HCN1: variants seen among roughly 807,000 people sequenced by gnomAD.
HCN1 encodes the protein potassium/sodium hyperpolarization-activated cyclic nucleotide-gated channel 1.
In HCN1, 13 loss-of-function variants were observed where a neutral mutation model predicts 78.9. The observed-to-expected ratio is 0.16, with a 90% CI of 0.11 to 0.26. The LOEUF (loss-of-function observed/expected upper bound fraction) is 0.26. HCN1 is among the 10% of genes least tolerant of loss of function. The pLI is 1.00. For missense variants in HCN1, 810 were observed against 1,154.3 expected, an observed-to-expected ratio of 0.70 and a Z score of 4.32; for synonymous variants, 552 against 455.5, an observed-to-expected ratio of 1.21 and a Z score of -2.70.
chr5:45,666,393 C>T (rs1746049054), intron 1 of HCN1, among the ~76,000 whole-genome samples: 1 of 152,030 alleles, frequency 6.6e-6, no homozygotes, highest in Non-Finnish European at 1.5e-5. Flanking sequence ...CATAAATTCT[C>T]ATAAGCTACC....
chr5:45,292,183 A>G (rs563866753), intron 6 of HCN1, among the ~76,000 whole-genome samples: 1 of 152,164 alleles, frequency 6.6e-6, no homozygotes, highest in East Asian at 1.9e-4. Context: ...TTTCATTTAT[A>G]CCATTCTAGA....
At chr5:45,695,528 G>T in intron 1 of HCN1, 141 bp downstream of exon 1, 2 of 786,524 alleles carry the variant, frequency 2.5e-6, no homozygotes, top group Non-Finnish European at 4.1e-6. Context: ...AGTGGAGCCT[G>T]CTTAGCCCGA....
At chr5:45,636,367 T>C (rs990585988) in intron 2 of HCN1, among the ~76,000 whole-genome samples, 3 of 152,174 alleles carry the variant, frequency 2.0e-5, no homozygotes, top group Non-Finnish European at 2.9e-5. Flanking sequence ...TTCACTCTAA[T>C]AGCACACAAA....
intron 4 of HCN1, among the ~76,000 whole-genome samples, chr5:45,365,636 G>A (rs905886329): frequency 1.3e-5 from 2 of 151,732 alleles, no homozygotes. Flanking sequence ...TTGCGAATAG[G>A]GCTGTGATAA....
At chr5:45,694,461 G>C (rs771996592) in intron 1 of HCN1, among the ~76,000 whole-genome samples, 21 of 152,208 alleles carry the variant, frequency 1.4e-4, no homozygotes, top group Admixed American at 1.3e-4. Context: ...ATTCAGAACT[G>C]TGGACAGCTC....
intron 5 of HCN1, among the ~76,000 whole-genome samples, chr5:45,328,231 G>A (rs1050330665): frequency 2.0e-5 from 3 of 150,412 alleles, no homozygotes; most frequent in Non-Finnish European, 4.4e-5. Context: ...AACTGTCGCA[G>A]TTTGCGGTGC....
At chr5:45,327,011 A>C (rs1746248074) in intron 5 of HCN1, among the ~76,000 whole-genome samples, 1 of 151,706 alleles carries the variant, frequency 6.6e-6, no homozygotes, top group African/African-American at 2.4e-5. Flanking sequence ...AAATACTAAA[A>C]TTAAGGAATT....
chr5:45,652,436 T>C (rs1182243354), intron 1 of HCN1, among the ~76,000 whole-genome samples: 1 of 151,968 alleles, frequency 6.6e-6, no homozygotes, highest in Non-Finnish European at 1.5e-5. Context: ...ATTAACAATG[T>C]GGACATTACA....
chr5:45,675,496 C>G (rs555842614), intron 1 of HCN1, among the ~76,000 whole-genome samples: 1 of 151,928 alleles, frequency 6.6e-6, no homozygotes, highest in East Asian at 1.9e-4. Context: ...TCTATACACA[C>G]AGGCATGCTG....
chr5:45,295,220 G>A (rs1354436127), intron 6 of HCN1, among the ~76,000 whole-genome samples: 1 of 151,946 alleles, frequency 6.6e-6, no homozygotes, highest in African/African-American at 2.4e-5. Context: ...TAATCCACAT[G>A]CCTGGATTCT....
At chr5:45,318,620 A>T (rs1009428531) in intron 5 of HCN1, among the ~76,000 whole-genome samples, 2 of 151,742 alleles carry the variant, frequency 1.3e-5, no homozygotes, top group Admixed American at 1.3e-4. Context: ...AAGAAAAAAA[A>T]AGTATTTGCT....
intron 3 of HCN1, among the ~76,000 whole-genome samples, chr5:45,417,644 TAAC>T (rs1740143180): frequency 7.0e-6 from 1 of 143,362 alleles, no homozygotes. Flanking sequence ...TAAATAAATA[TAAC>T]AACAGGTTAT....
At chr5:45,499,330 G>A (rs1742137279) in intron 2 of HCN1, among the ~76,000 whole-genome samples, 1 of 152,140 alleles carries the variant, frequency 6.6e-6, no homozygotes, top group Non-Finnish European at 1.5e-5. Context: ...CGTAGTATTC[G>A]GGTGGGAGTG....
At chr5:45,682,225 G>C (rs1358610259) in intron 1 of HCN1, among the ~76,000 whole-genome samples, 3 of 145,556 alleles carry the variant, frequency 2.1e-5, no homozygotes, top group African/African-American at 7.7e-5. Context: ...TTTTCTTATA[G>C]CAGCTCAAAA....
At chr5:45,570,560 GA>G (rs1411399206) in intron 2 of HCN1, among the ~76,000 whole-genome samples, 3 of 152,062 alleles carry the variant, frequency 2.0e-5, no homozygotes, top group African/African-American at 7.2e-5. Context: ...GCAGAATCGG[GA>G]GCTAAATATC....
chr5:45,324,836 A>T (rs1036683222), intron 5 of HCN1, among the ~76,000 whole-genome samples: 10 of 151,834 alleles, frequency 6.6e-5, no homozygotes, highest in Admixed American at 3.3e-4. Flanking sequence ...TGTGAAAAAA[A>T]ATTTTTTAAA....
intron 5 of HCN1, among the ~76,000 whole-genome samples, chr5:45,326,013 T>C (rs1017758558): frequency 1.3e-5 from 2 of 151,640 alleles, no homozygotes; most frequent in Admixed American, 1.3e-4. Context: ...TGAATTGACA[T>C]AAGATGCCTT....
intron 1 of HCN1, among the ~76,000 whole-genome samples, chr5:45,684,793 C>A (rs903562411): frequency 1.3e-5 from 2 of 152,118 alleles, no homozygotes; most frequent in African/African-American, 4.8e-5. Flanking sequence ...ACCCAGGAGG[C>A]GGAGGTTGCA....
chr5:45,292,405 C>T (rs149904753), intron 6 of HCN1, among the ~76,000 whole-genome samples: 38 of 152,008 alleles, frequency 2.5e-4, no homozygotes, highest in Admixed American at 1.4e-3. Flanking sequence ...CTTTTTTAAC[C>T]GTGTTAAATT....
Sources: allele counts gnomAD v4.1 joint callset (sites outside exome capture counted in the v4.1 genomes callset), GRCh38; gene constraint gnomAD v4.1.1; transcripts MANE v1.5; gene names NCBI Gene and HGNC (gene_info 2026-07-23, HGNC 2026-07-21).